COX10: variants seen among roughly 807,000 people sequenced by gnomAD.
COX10 encodes protoheme IX farnesyltransferase, mitochondrial.
COX10 carries 27 observed loss-of-function variants against 37.3 expected under a neutral mutation model. That is an observed-to-expected ratio of 0.72 (90% confidence interval 0.53 to 1.00). COX10 has a LOEUF of 1.00. Among genes scored for constraint, COX10 ranks in the 50% least tolerant of loss-of-function variants. COX10 has a pLI of 0.00. For synonymous variants in COX10, 222 were observed against 229.1 expected (o/e 0.97, Z 0.28); for missense variants, 475 against 563.2 (o/e 0.84, Z 1.59).
intron 4 of COX10, among the ~76,000 whole-genome samples, chr17:14,139,811 A>T (rs997173327): frequency 6.6e-6 from 1 of 152,128 alleles, no homozygotes; most frequent in African/African-American, 2.4e-5. Flanking sequence ...AGATGTCTGT[A>T]ACTTCTTGGA....
intron 4 of COX10, among the ~76,000 whole-genome samples, chr17:14,150,027 CTT>C (rs1567602281): frequency 1.3e-5 from 2 of 151,976 alleles, no homozygotes; most frequent in African/African-American, 4.8e-5. Flanking sequence ...TCCCAGCACT[CTT>C]AAGAGGCTGA....
chr17:14,132,756 G>A (rs544477203), intron 4 of COX10, among the ~76,000 whole-genome samples: 39 of 151,344 alleles, frequency 2.6e-4, no homozygotes, highest in Non-Finnish European at 4.7e-4. Flanking sequence ...GAATACCCCT[G>A]CTTATTTTTT....
chr17:14,171,471 A>G (rs981512322), intron 5 of COX10, among the ~76,000 whole-genome samples: 6 of 151,366 alleles, frequency 4.0e-5, no homozygotes, highest in African/African-American at 1.5e-4. Flanking sequence ...AGCACCTCAT[A>G]TGTGTGTAAT....
intron 4 of COX10, among the ~76,000 whole-genome samples, chr17:14,134,009 A>C (rs1249382051): frequency 6.6e-6 from 1 of 151,654 alleles, no homozygotes; most frequent in Non-Finnish European, 1.5e-5. Context: ...TATTTGAGTC[A>C]GTGTTTCTGA....
At chr17:14,074,568 CT>C in intron 2 of COX10, 112 bp downstream of exon 2, 1 of 1,061,544 alleles carries the variant, frequency 9.4e-7, no homozygotes, top group Non-Finnish European at 1.5e-6. Flanking sequence ...TTGAAAAGAA[CT>C]TTTATTTAGT....
chr17:14,101,245 C>G (rs1915772591), intron 3 of COX10, among the ~76,000 whole-genome samples: 1 of 152,126 alleles, frequency 6.6e-6, no homozygotes, highest in African/African-American at 2.4e-5. Context: ...CATAGGTCTT[C>G]CCTTCCCTTG....
Position 14,081,162 on chromosome 17 carries a change from C to T in COX10, c.499+4106C>T, listed in dbSNP as rs78194204. 7.7e-3 allele frequency among the ~76,000 whole-genome samples: 1,174 copies of T among 152,278 alleles called. 14 individuals carry two copies. The highest frequency in any genetic ancestry group is 0.027 in the African/African-American group (1,125 of 41,554). On this transcript the variant is annotated intron_variant, in intron 3 of 6. Coordinates refer to ENST00000261643, the MANE Select transcript of COX10 (RefSeq NM_001303.4). Reference sequence around the variant, plus strand: ...GTTAATTGCAACAGAAACCTTGTGGCCTGGGAAGCCTGAAATGCTTACTGT... The same window carrying T: ...GTTAATTGCAACAGAAACCTTGTGGTCTGGGAAGCCTGAAATGCTTACTGT...
intron 4 of COX10, among the ~76,000 whole-genome samples, chr17:14,116,869 T>C (rs1307076304): frequency 6.6e-6 from 1 of 152,188 alleles, no homozygotes; most frequent in Non-Finnish European, 1.5e-5. Flanking sequence ...TCTGGAAATA[T>C]AAATGAGATC....
At chr17:14,153,374 C>G (rs1567603064) in intron 4 of COX10, among the ~76,000 whole-genome samples, 1 of 152,080 alleles carries the variant, frequency 6.6e-6, no homozygotes. Context: ...AAGTATGAGT[C>G]TAAATACTGT....
At chr17:14,111,790 T>C (rs1277633295) in intron 4 of COX10, among the ~76,000 whole-genome samples, 1 of 152,136 alleles carries the variant, frequency 6.6e-6, no homozygotes, top group East Asian at 1.9e-4. Flanking sequence ...GATTAAATAG[T>C]ACAGTGTATA....
intron 1 of COX10, among the ~76,000 whole-genome samples, chr17:14,073,824 A>G (rs1014845613): frequency 2.0e-5 from 3 of 152,172 alleles, no homozygotes; most frequent in Non-Finnish European, 4.4e-5. Context: ...AAATTTAGAT[A>G]CAATAAAAAT....
At chr17:14,106,043 C>T (rs1423741272) in intron 4 of COX10, among the ~76,000 whole-genome samples, 5 of 151,502 alleles carry the variant, frequency 3.3e-5, no homozygotes, top group South Asian at 2.1e-4. Context: ...GGTAGGGTTT[C>T]GCTCTTGTCA....
chr17:14,083,529 AC>A, intron 3 of COX10, among the ~76,000 whole-genome samples: 1 of 152,310 alleles, frequency 6.6e-6, no homozygotes, highest in South Asian at 2.1e-4. Context: ...GCTGTAATAT[AC>A]GGAGGATAAT....
At chr17:14,086,124 G>C (rs1915404007) in intron 3 of COX10, among the ~76,000 whole-genome samples, 1 of 152,012 alleles carries the variant, frequency 6.6e-6, no homozygotes, top group Non-Finnish European at 1.5e-5. Flanking sequence ...TATGTTGTTT[G>C]TGTCTTGTTT....
At chr17:14,179,226 C>G (rs967708110) in intron 5 of COX10, 1 of 983,000 alleles carries the variant, frequency 1.0e-6, no homozygotes, top group African/African-American at 1.7e-5. Context: ...GATGTAGACA[C>G]CGTTCATCTA....
At chr17:14,206,166 G>A (rs557152803) in intron 6 of COX10, among the ~76,000 whole-genome samples, 40 of 152,074 alleles carry the variant, frequency 2.6e-4, no homozygotes, top group Non-Finnish European at 4.7e-4. Flanking sequence ...GCCAGGGTGT[G>A]ACGCACCCGC....
At chr17:14,086,408 CAA>C (rs765213235) in intron 3 of COX10, among the ~76,000 whole-genome samples, 5 of 152,016 alleles carry the variant, frequency 3.3e-5, no homozygotes, top group African/African-American at 7.2e-5. Context: ...GTTCTATTCA[CAA>C]AGAGTTTGTG....
chr17:14,132,410 G>A (rs11078225), intron 4 of COX10, among the ~76,000 whole-genome samples: 19,632 of 151,852 alleles, frequency 0.13, 1,628 homozygotes, highest in Non-Finnish European at 0.19. Flanking sequence ...GAGACAGCAC[G>A]AAGGTATGAT....
In COX10 at chr17:14,204,799, CT is replaced by C. The variant is rs571566231; in HGVS notation, c.929-2007del. ...TAAGATCCTCTGTGGCTTTCTGTTG[CT>C]TTTAGAATAGCAAAGTCAAGGCTGA... On this transcript the variant is annotated intron_variant, in intron 6 of 6. Coordinates refer to ENST00000261643, the MANE Select transcript of COX10 (RefSeq NM_001303.4). Among the ~76,000 whole-genome samples the C allele has an allele frequency of 1.1e-3, 168 of 152,240 alleles. 1 individual carries two copies. Among genetic ancestry groups the C allele is most frequent in the African/African-American group, 3.9e-3 (162 of 41,550 alleles).
Sources: gnomAD v4.1 joint callset for allele counts (sites outside exome capture counted in the v4.1 genomes callset) on GRCh38, gnomAD v4.1.1 for gene constraint, MANE v1.5 for transcripts, NCBI Gene and HGNC (gene_info 2026-07-23, HGNC 2026-07-21) for gene names.